Variants in TGFBR3 observed in about 807,000 individuals in gnomAD.
TGFBR3 encodes the protein transforming growth factor beta receptor type 3.
TGFBR3 carries 46 observed loss-of-function variants against 87.9 expected under a neutral mutation model. The observed-to-expected ratio is 0.52, with a 90% CI of 0.41 to 0.67. TGFBR3 has a LOEUF of 0.67. Among genes scored for constraint, TGFBR3 ranks in the 30% least tolerant of loss-of-function variants. TGFBR3 has a pLI of 0.00. For synonymous variants in TGFBR3, 381 were observed against 391.6 expected, an observed-to-expected ratio of 0.97 and a Z score of 0.32; for missense variants, 866 against 1,041.9, an observed-to-expected ratio of 0.83 and a Z score of 2.32.
chr1:91,702,241 AT>A (rs1237184382), intron 14 of TGFBR3, among the ~76,000 whole-genome samples: 1 of 152,218 alleles, frequency 6.6e-6, no homozygotes, highest in Non-Finnish European at 1.5e-5. Context: ...TTTGTCCACT[AT>A]ACACCTACCA....
chr1:91,900,055 A>G (rs1023447151), intron 1 of TGFBR3, among the ~76,000 whole-genome samples: 2 of 152,188 alleles, frequency 1.3e-5, no homozygotes, highest in African/African-American at 4.8e-5. Context: ...TAAAAAAAAA[A>G]GATTCTGAAA....
chr1:91,817,781 G>A (rs1676287003), intron 2 of TGFBR3, among the ~76,000 whole-genome samples: 2 of 151,766 alleles, frequency 1.3e-5, no homozygotes, highest in Non-Finnish European at 1.5e-5. Flanking sequence ...TAAGGCCCCA[G>A]CTCAACCTTG....
chr1:91,843,096 T>G (rs996727695), intron 2 of TGFBR3, among the ~76,000 whole-genome samples: 3 of 152,204 alleles, frequency 2.0e-5, no homozygotes, highest in African/African-American at 7.2e-5. Context: ...GTACCAAAAA[T>G]ATGCCTGAAT....
intron 4 of TGFBR3, among the ~76,000 whole-genome samples, chr1:91,738,306 T>C (rs1333047579): frequency 6.6e-6 from 1 of 152,218 alleles, no homozygotes; most frequent in Non-Finnish European, 1.5e-5. Context: ...TATTTACTAA[T>C]TGATATAGTT....
intron 15 of TGFBR3, among the ~76,000 whole-genome samples, chr1:91,696,652 G>A (rs1020533287): frequency 1.3e-5 from 2 of 152,124 alleles, no homozygotes; most frequent in East Asian, 3.8e-4. Flanking sequence ...TTTCCAAGGG[G>A]GAGGAGTTTT....
At chr1:91,693,712 A>C (rs113818961) in intron 16 of TGFBR3, among the ~76,000 whole-genome samples, 46 of 152,196 alleles carry the variant, frequency 3.0e-4, no homozygotes, top group African/African-American at 1.1e-3. Context: ...CACATGGTAA[A>C]CATCTGTGGG....
chr1:91,752,437 GA>G (rs67124960), intron 4 of TGFBR3, among the ~76,000 whole-genome samples: 23,983 of 151,972 alleles, frequency 0.16, 2,016 homozygotes, highest in East Asian at 0.25. Context: ...TAAATGGCTA[GA>G]AAAAAATAGA....
chr1:91,824,665 T>G (rs980175691), intron 2 of TGFBR3, among the ~76,000 whole-genome samples: 1 of 152,114 alleles, frequency 6.6e-6, no homozygotes, highest in Non-Finnish European at 1.5e-5. Context: ...GCTGGGAGTA[T>G]AAAATAATAC....
intron 3 of TGFBR3, chr1:91,786,046 G>A (rs1162420101): frequency 1.1e-5 from 4 of 367,668 alleles, no homozygotes; most frequent in Non-Finnish European, 2.1e-5. Context: ...TTACAGGCGT[G>A]AGCCACCACA....
At chr1:91,862,933 G>T (rs1201873367) in intron 1 of TGFBR3, among the ~76,000 whole-genome samples, 1 of 152,182 alleles carries the variant, frequency 6.6e-6, no homozygotes, top group East Asian at 1.9e-4. Context: ...CAAAGCCAAT[G>T]TGGGCGCTTG....
chr1:91,775,381 C>G (rs757948196), intron 3 of TGFBR3, among the ~76,000 whole-genome samples: 60 of 152,380 alleles, frequency 3.9e-4, no homozygotes, highest in South Asian at 1.7e-3. Flanking sequence ...TGGCCCCTCT[C>G]TCATCTCCAA....
At chr1:91,876,029 G>T (rs200618530) in intron 1 of TGFBR3, among the ~76,000 whole-genome samples, 2 of 151,812 alleles carry the variant, frequency 1.3e-5, no homozygotes, top group East Asian at 1.9e-4. Context: ...AAAAATGGGG[G>T]AAAAAGGATA....
rs111682033 is a variant in TGFBR3, at chr1:91,793,200, T to C, written c.246+4087A>G. ...TGGGTGTAGGCTCTGTCACCGCCTC[T>C]ACACAGGAAAATTAAAAATCTCTCC... On this transcript the variant is annotated intron_variant, in intron 3 of 16. Coordinates refer to ENST00000212355, the MANE Select transcript of TGFBR3 (RefSeq NM_003243.5). Among the ~76,000 whole-genome samples the C allele has an allele frequency of 7.3e-3, 1,107 of 152,312 alleles. 6 individuals carry two copies. Among genetic ancestry groups the C allele is most frequent in the Non-Finnish European group, 0.011 (747 of 68,030 alleles).
intron 3 of TGFBR3, among the ~76,000 whole-genome samples, chr1:91,775,598 A>G (rs1425853736): frequency 6.6e-6 from 1 of 152,190 alleles, no homozygotes. Context: ...AAATCCTTTC[A>G]TTTACATTTT....
chr1:91,812,749 G>T (rs544004943), intron 2 of TGFBR3, among the ~76,000 whole-genome samples: 1 of 152,236 alleles, frequency 6.6e-6, no homozygotes, highest in Admixed American at 6.5e-5. Context: ...GAGTAGCTGG[G>T]ATTACAGGTA....
chr1:91,788,898 C>A (rs1365927600), intron 3 of TGFBR3, among the ~76,000 whole-genome samples: 1 of 152,058 alleles, frequency 6.6e-6, no homozygotes, highest in Non-Finnish European at 1.5e-5. Context: ...TTTTTAAAGC[C>A]AAGGGCAGTT....
chr1:91,784,711 G>A (rs1248479393), intron 3 of TGFBR3, among the ~76,000 whole-genome samples: 3 of 152,194 alleles, frequency 2.0e-5, no homozygotes, highest in African/African-American at 7.2e-5. Flanking sequence ...AGGGCGTGGG[G>A]CAAGGGGTTT....
intron 3 of TGFBR3, among the ~76,000 whole-genome samples, chr1:91,794,353 G>C (rs926478339): frequency 1.3e-5 from 2 of 151,892 alleles, no homozygotes; most frequent in African/African-American, 4.8e-5. Flanking sequence ...ACAGGCACCC[G>C]CCACCATGCC....
intron 5 of TGFBR3, among the ~76,000 whole-genome samples, chr1:91,732,122 G>A (rs1672796365): frequency 1.3e-5 from 2 of 152,164 alleles, no homozygotes; most frequent in African/African-American, 4.8e-5. Context: ...ATGACTTTGA[G>A]ACACAGAAGG....
Sources: gnomAD v4.1 joint callset for allele counts (sites outside exome capture counted in the v4.1 genomes callset) on GRCh38, gnomAD v4.1.1 for gene constraint, MANE v1.5 for transcripts, NCBI Gene and HGNC (gene_info 2026-07-23, HGNC 2026-07-21) for gene names.